The following GRM4 variants were observed in gnomAD, a reference collection of about 807,000 sequenced individuals.
GRM4 encodes glutamate metabotropic receptor 4, also known as metabotropic glutamate receptor 4.
Under a neutral mutation model 81.7 loss-of-function variants are expected in GRM4, and 28 were observed. The observed-to-expected ratio is 0.34, with a 90% CI of 0.25 to 0.47. The LOEUF is 0.47. Among genes scored for constraint, GRM4 ranks in the 20% least tolerant of loss-of-function variants. The pLI, the probability that GRM4 is intolerant of heterozygous loss-of-function variation, is 1.00. For missense variants in GRM4, 948 were observed against 1,290.0 expected (o/e 0.73, Z 4.06); for synonymous variants, 488 against 528.8 (o/e 0.92, Z 1.06).
At chr6:34,099,977 C>T (rs753177111) in intron 2 of GRM4, 23 of 838,550 alleles carry the variant, frequency 2.7e-5, no homozygotes, top group Non-Finnish European at 3.2e-5. Context: ...TTCGAATCAG[C>T]CCTGCCTAGG....
intron 3 of GRM4, among the ~76,000 whole-genome samples, chr6:34,077,268 C>A (rs186224919): frequency 6.6e-6 from 1 of 152,084 alleles, no homozygotes; most frequent in Non-Finnish European, 1.5e-5. Context: ...AGGATTTGCC[C>A]GAGGCTGACC....
At chr6:34,028,749 C>T (rs1197504057) in intron 9 of GRM4, among the ~76,000 whole-genome samples, 3 of 152,180 alleles carry the variant, frequency 2.0e-5, no homozygotes, top group Non-Finnish European at 2.9e-5. Flanking sequence ...GGAGGACGTG[C>T]GCCTGAGGAG....
rs545405340 is a variant in GRM4, at chr6:34,132,877, G to C, written c.519+101C>G. 7 of 944,344 alleles carry C rather than the reference G, an allele frequency of 7.4e-6. No individual in the cohort carries two copies. In the South Asian group the frequency reaches 1.2e-4, roughly 16 times the overall value. The allele number at this position is 944,344 out of a possible 1,614,324, so 58.5% of individuals were successfully genotyped here. A position where few individuals can be genotyped will look rare whatever the true frequency, so the allele number is the denominator to read the frequency against. On this transcript the variant is annotated intron_variant, in intron 2 of 10. Transcript: ENST00000538487. Reference sequence around the variant, plus strand: ...ACTGTCCCTTAGAGTGAGGAAAAAAGGAGGAAAAAGGGGCTGGTCGGCCAG... The same window carrying C: ...ACTGTCCCTTAGAGTGAGGAAAAAACGAGGAAAAAGGGGCTGGTCGGCCAG...
At position 34,122,725 on chromosome 6, in the gene GRM4, G is replaced by T. The variant is rs564848493; in HGVS notation, c.519+10253C>A. ...AAGGCCCCGGGCTGGCGGCTTCCCC[G>T]GTTTGTCTGTCTGTCTGTCTGTCTG... On this transcript the variant is annotated intron_variant, in intron 2 of 10. Coordinates refer to ENST00000538487, the MANE Select transcript of GRM4 (RefSeq NM_000841.4). 1.3e-4 allele frequency among the ~76,000 whole-genome samples: 17 copies of T among 133,288 alleles called. No individual in the cohort carries two copies. The East Asian group carries it at 3.2e-3, about 25-fold the overall frequency. The allele number at this position is 133,288 out of a possible 152,430, so 87.4% of individuals were successfully genotyped here. A position where few individuals can be genotyped will look rare whatever the true frequency, so the allele number is the denominator to read the frequency against.
intron 3 of GRM4, among the ~76,000 whole-genome samples, chr6:34,079,957 C>T (rs995417956): frequency 2.0e-5 from 3 of 152,180 alleles, no homozygotes; most frequent in South Asian, 2.1e-4. Context: ...GACCCTCCAA[C>T]GGCTCCCAGC....
At chr6:34,120,546 C>T (rs755882207) in intron 2 of GRM4, among the ~76,000 whole-genome samples, 5 of 152,162 alleles carry the variant, frequency 3.3e-5, no homozygotes, top group Non-Finnish European at 5.9e-5. Context: ...AACATTTCCT[C>T]GCACTTCAGG....
In GRM4 at chr6:34,034,379, G is replaced by A. The variant is rs141959521; in HGVS notation, c.2442+1289C>T. On this transcript the variant is annotated intron_variant, in intron 9 of 10. Coordinates refer to ENST00000538487, the MANE Select transcript of GRM4 (RefSeq NM_000841.4). The surrounding 1 kb of genome is among the most constrained non-coding windows in gnomAD (Gnocchi z 4.0). The stretch of plus-strand genomic sequence containing the variant: ...ACCTGACCAGCCAGTCTCCAGACAG[G>A]CCCAGACTCCCCCACTCCCCACTGC... Among the ~76,000 whole-genome samples the A allele has an allele frequency of 6.6e-6, 1 of 152,238 alleles. No homozygotes were observed. Among genetic ancestry groups the A allele is most frequent in the Non-Finnish European group, 1.5e-5 (1 of 68,002 alleles).
At chr6:34,040,457 C>T (rs961302149) in intron 7 of GRM4, 91 bp downstream of exon 7, 46 of 1,417,058 alleles carry the variant, frequency 3.2e-5, no homozygotes, top group Non-Finnish European at 4.0e-5. Context: ...GGAGAGGCCT[C>T]CCATTCCCAC....
chr6:34,108,126 G>T (rs1486335046), intron 2 of GRM4, among the ~76,000 whole-genome samples: 3 of 152,150 alleles, frequency 2.0e-5, no homozygotes, highest in African/African-American at 7.2e-5. Flanking sequence ...TGAGGAGAAG[G>T]CCACCCTGCC....
intron 1 of GRM4, among the ~76,000 whole-genome samples, chr6:34,140,950 C>T (rs2026489): frequency 0.016 from 2,366 of 152,302 alleles, 74 homozygotes; most frequent in East Asian, 0.12. Flanking sequence ...CTCGGCTGCA[C>T]CGAGGTCAGG....
At chr6:34,129,199 G>C (rs1045507952) in intron 2 of GRM4, among the ~76,000 whole-genome samples, 3 of 152,100 alleles carry the variant, frequency 2.0e-5, no homozygotes, top group Non-Finnish European at 1.5e-5. Context: ...ATTTTTAGTA[G>C]AGACGGGGTT....
chr6:34,125,402 G>A (rs1357266226), intron 2 of GRM4, among the ~76,000 whole-genome samples: 1 of 152,060 alleles, frequency 6.6e-6, no homozygotes, highest in Non-Finnish European at 1.5e-5. Context: ...GCGCTCCCTG[G>A]AGAAGAAAAC....
At chr6:34,105,358 A>G (rs1769067923) in intron 2 of GRM4, among the ~76,000 whole-genome samples, 1 of 152,038 alleles carries the variant, frequency 6.6e-6, no homozygotes, top group Non-Finnish European at 1.5e-5. Context: ...AGGCTAGGTG[A>G]CCGGCCGGGC....
At chr6:34,095,929 C>T (rs1020367087) in intron 2 of GRM4, among the ~76,000 whole-genome samples, 20 of 152,318 alleles carry the variant, frequency 1.3e-4, no homozygotes, top group African/African-American at 4.8e-4. Context: ...GGGGCTCTGA[C>T]GTCTCTTCAA....
intron 2 of GRM4, among the ~76,000 whole-genome samples, chr6:34,131,942 TACACACACAAACATGCACAAAC>T: frequency 6.6e-6 from 1 of 151,426 alleles, no homozygotes; most frequent in Non-Finnish European, 1.5e-5. Flanking sequence ...CTCCCCTCCC[TACACACACAAACATGCACAAAC>T]ACACACACAT....
At chr6:34,044,190 A>G (rs796163368) in intron 6 of GRM4, among the ~76,000 whole-genome samples, 2 of 149,154 alleles carry the variant, frequency 1.3e-5, no homozygotes, top group African/African-American at 5.2e-5. Context: ...ATACACATAT[A>G]TACACACACA....
chr6:34,032,392 G>A (rs1053524882), intron 9 of GRM4, among the ~76,000 whole-genome samples: 6 of 152,226 alleles, frequency 3.9e-5, no homozygotes, highest in African/African-American at 1.4e-4. Context: ...TTAGCAGCCA[G>A]ACCTGCAGCT....
chr6:34,037,433 G>A (rs1215920892), intron 8 of GRM4, among the ~76,000 whole-genome samples: 2 of 152,202 alleles, frequency 1.3e-5, no homozygotes, highest in Admixed American at 1.3e-4. Flanking sequence ...CAAAGCGACT[G>A]TTCTAAATAA....
intron 3 of GRM4, among the ~76,000 whole-genome samples, chr6:34,072,061 ACAT>A (rs1766923870): frequency 6.6e-6 from 1 of 150,734 alleles, no homozygotes; most frequent in African/African-American, 2.4e-5. Flanking sequence ...ACACACCCAT[ACAT>A]CACCACAGAT....
Sources: allele counts gnomAD v4.1 joint callset (sites outside exome capture counted in the v4.1 genomes callset), GRCh38; gene constraint gnomAD v4.1.1; non-coding constraint Gnocchi (gnomAD v3.1); transcripts MANE v1.5; gene names NCBI Gene and HGNC (gene_info 2026-07-23, HGNC 2026-07-21).